Variants in DDX31 observed in about 807,000 individuals in gnomAD.
DDX31 encodes the protein DEAD-box helicase 31.
Under a neutral mutation model 91.3 loss-of-function variants are expected in DDX31, and 70 were observed. The ratio of observed to expected loss-of-function variants is 0.77; its 90% CI spans 0.63 to 0.94. The LOEUF (loss-of-function observed/expected upper bound fraction) is 0.94, where lower values mean the gene tolerates loss of function less well. Among genes scored for constraint, DDX31 ranks in the 40% least tolerant of loss-of-function variants. DDX31 has a pLI of 0.00. For missense variants in DDX31, 902 were observed against 925.0 expected (o/e 0.98, Z 0.32); for synonymous variants, 362 against 350.6 (o/e 1.03, Z -0.36).
intron 16 of DDX31, among the ~76,000 whole-genome samples, chr9:132,629,888 T>C (rs550013555): frequency 2.2e-4 from 33 of 152,356 alleles, no homozygotes; most frequent in African/African-American, 7.7e-4. Flanking sequence ...AAAAGCATTA[T>C]TTCTTTAAAA....
In DDX31 at chr9:132,597,080, T is replaced by C. The variant is rs774231973; in HGVS notation, c.1995-1968A>G. ...CAGTCACAGTTAAACATTAGGAAAC[T>C]GAGGTCTGGAGATGCCACGCACCTC... On this transcript the variant is annotated intron_variant, in intron 19 of 19. Coordinates refer to ENST00000372159, the MANE Select transcript of DDX31 (RefSeq NM_022779.9). Among the ~76,000 whole-genome samples, 157 of 152,216 alleles carry C rather than the reference T, an allele frequency of 1.0e-3. 1 individual carries two copies. Among genetic ancestry groups the C allele is most frequent in the Admixed American group, 2.5e-3 (38 of 15,280 alleles).
intron 7 of DDX31, 43 bp from the exon 8 acceptor site, chr9:132,651,159 C>CTTTT (rs200786970): frequency 2.6e-5 from 32 of 1,253,716 alleles, no homozygotes; most frequent in South Asian, 4.3e-5. Flanking sequence ...CAGGATCCCC[C>CTTTT]TTTTTTTTTT....
At chr9:132,610,852 G>A (rs1831287781) in intron 19 of DDX31, among the ~76,000 whole-genome samples, 1 of 152,142 alleles carries the variant, frequency 6.6e-6, no homozygotes, top group South Asian at 2.1e-4. Context: ...GTTAAGAAAA[G>A]GGAAGGCCCC....
At chr9:132,596,016 A>T (rs1564268397) in intron 19 of DDX31, among the ~76,000 whole-genome samples, 1 of 152,194 alleles carries the variant, frequency 6.6e-6, no homozygotes, top group Non-Finnish European at 1.5e-5. Flanking sequence ...AACAACAATA[A>T]AACAATTACC....
intron 13 of DDX31, among the ~76,000 whole-genome samples, chr9:132,645,053 T>C (rs553207596): frequency 2.3e-4 from 35 of 152,306 alleles, no homozygotes; most frequent in African/African-American, 8.2e-4. Flanking sequence ...TTATGATCTT[T>C]TAAGCTGGCT....
In DDX31 at chr9:132,618,404, C is replaced by T. The variant is rs145684625; in HGVS notation, c.1751G>A (p.Arg584Gln). The change falls in exon 18 of 20, where the codon CGA (arginine) becomes CAA (glutamine). Residue 584 changes from arginine to glutamine, a missense_variant. Arg to Gln is a conservative substitution (Grantham distance 43). Transcript: ENST00000372159. Reference protein sequence around the residue: ...HAVGPQEIRERATVLQTVFED... With the variant: ...HAVGPQEIREQATVLQTVFED... ...AAATACCGTCTGCAAGACTGTGGCT[C>T]GCTCTCGGATTTCCTGGGGGCCAAC... is the stretch of plus-strand genomic sequence containing the variant. The T allele has an allele frequency of 1.7e-4, 281 of 1,611,720 alleles. No individual in the cohort carries two copies. In the Middle Eastern group the frequency reaches 2.0e-3, roughly 11 times the overall value.
intron 18 of DDX31, among the ~76,000 whole-genome samples, chr9:132,616,051 T>C (rs1269462845): frequency 6.6e-6 from 1 of 152,170 alleles, no homozygotes; most frequent in Non-Finnish European, 1.5e-5. Flanking sequence ...ACCTATGGGG[T>C]GCAGTGGCTG....
intron 16 of DDX31, among the ~76,000 whole-genome samples, chr9:132,626,943 G>T (rs1176063439): frequency 6.6e-6 from 1 of 152,110 alleles, no homozygotes. Context: ...GTCAGAGGGA[G>T]AGTGCCCTGA....
chr9:132,605,018 C>T (rs1830932284), intron 19 of DDX31, among the ~76,000 whole-genome samples: 1 of 152,214 alleles, frequency 6.6e-6, no homozygotes, highest in Non-Finnish European at 1.5e-5. Context: ...ATCCCAACCC[C>T]AGGCCTGTTC....
At chr9:132,660,170 C>T (rs1365610681) in intron 4 of DDX31, among the ~76,000 whole-genome samples, 1 of 151,848 alleles carries the variant, frequency 6.6e-6, no homozygotes, top group African/African-American at 2.4e-5. Context: ...CCCATCTCTA[C>T]TAAAAATACA....
intron 12 of DDX31, 122 bp from the exon 13 acceptor site, chr9:132,646,193 T>C (rs1833829575): frequency 9.2e-7 from 1 of 1,086,154 alleles, no homozygotes; most frequent in South Asian, 1.8e-5. Flanking sequence ...TGACTATCTT[T>C]GAATTATTTA....
chr9:132,605,269 T>C (rs117370805), intron 19 of DDX31, among the ~76,000 whole-genome samples: 19 of 152,338 alleles, frequency 1.2e-4, no homozygotes, highest in Non-Finnish European at 2.5e-4. Flanking sequence ...GCGTGCCAGG[T>C]TCTGTGACAG....
chr9:132,613,677 A>G lies in DDX31; in HGVS notation c.1826-1422T>C, dbSNP rs539548016. On this transcript the variant is annotated intron_variant, in intron 18 of 19. Transcript: ENST00000372159. ...CCACCGCACTCCAGCCTGGGCAACAAGAGCAAAACTCTGTCTCAAGGAAAA... is the reference window on the plus strand; with the variant it reads ...CCACCGCACTCCAGCCTGGGCAACAGGAGCAAAACTCTGTCTCAAGGAAAA... Among the ~76,000 whole-genome samples the G allele has an allele frequency of 5.5e-4, 84 of 152,322 alleles. No individual in the cohort carries two copies. In the Middle Eastern group the frequency reaches 0.017, roughly 31 times the overall value.
chr9:132,627,655 CA>C (rs1413669653), intron 16 of DDX31, among the ~76,000 whole-genome samples: 4 of 152,194 alleles, frequency 2.6e-5, no homozygotes, highest in African/African-American at 9.7e-5. Context: ...ACAAAGAAGT[CA>C]AAAGAATGCA....
chr9:132,621,498 T>C lies in DDX31; in HGVS notation c.1714-3057A>G, dbSNP rs563507589. 2.0e-5 allele frequency among the ~76,000 whole-genome samples: 3 copies of C among 152,338 alleles called. No individual in the cohort carries two copies. In the South Asian group the frequency reaches 6.2e-4, roughly 32 times the overall value. On this transcript the variant is annotated intron_variant, in intron 17 of 19. Coordinates refer to ENST00000372159, the MANE Select transcript of DDX31 (RefSeq NM_022779.9). ...TTTTACAGATGCTTCACTCGCTTTC[T>C]TTCTGTTCACAGAAGCCCAAAAATG...
chr9:132,654,945 CAAAAAAAAAAAA>C (rs140953433), intron 6 of DDX31, among the ~76,000 whole-genome samples: 3 of 90,228 alleles, frequency 3.3e-5, no homozygotes, highest in Non-Finnish European at 6.6e-5. Context: ...GACTCTGTCT[CAAAAAAAAAAAA>C]AAAAAAAGAA....
intron 11 of DDX31, among the ~76,000 whole-genome samples, chr9:132,647,768 C>T (rs780522638): frequency 1.3e-5 from 2 of 152,066 alleles, no homozygotes; most frequent in South Asian, 2.1e-4. Flanking sequence ...GACAGAGAAG[C>T]GCTTCATTGA....
intron 1 of DDX31, among the ~76,000 whole-genome samples, chr9:132,665,029 C>T (rs535179482): frequency 1.3e-5 from 2 of 152,244 alleles, no homozygotes; most frequent in African/African-American, 2.4e-5. Flanking sequence ...TCCTGGCACC[C>T]GTATTCTCCT....
chr9:132,593,140 A>AC lies in DDX31; in HGVS notation c.*1725dup, dbSNP rs1830274274. 6.6e-6 allele frequency: 1 copy of AC among 152,196 alleles called. No individual in the cohort carries two copies. The highest frequency in any genetic ancestry group is 2.1e-4 in the South Asian group (1 of 4,826). The allele number at this position is 152,196 out of a possible 1,614,324, so 9.4% of individuals were successfully genotyped here. On this transcript the variant is annotated 3_prime_UTR_variant, in exon 20 of 20. Coordinates refer to ENST00000372159, the MANE Select transcript of DDX31 (RefSeq NM_022779.9). ...ACCCACATAGCATCTATGGCAAGAA[A>AC]CCCTCACCATAAGAGTTAGCAGATT...
Sources: gnomAD v4.1 joint callset for allele counts (sites outside exome capture counted in the v4.1 genomes callset) on GRCh38, gnomAD v4.1.1 for gene constraint, MANE v1.5 for transcripts, NCBI Gene and HGNC (gene_info 2026-07-23, HGNC 2026-07-21) for gene names.